SLC26A1: variants seen among roughly 807,000 people sequenced by gnomAD.
The protein encoded by SLC26A1 is sulfate anion transporter 1.
A neutral mutation model predicts 14.5 loss-of-function variants in SLC26A1; 18 were observed. The observed-to-expected ratio is 1.24, with a 90% CI of 0.86 to 1.84. SLC26A1 has a LOEUF of 1.84. Among genes scored for constraint, SLC26A1 ranks in the 40% most tolerant of loss-of-function variants. The probability of loss-of-function intolerance (pLI) is 0.00; values close to 1 mark genes in which losing one functional copy is unlikely to be tolerated. For missense variants in SLC26A1, 1,049 were observed against 1,020.0 expected, an observed-to-expected ratio of 1.03 and a Z score of -0.39; for synonymous variants, 505 against 492.0, an observed-to-expected ratio of 1.03 and a Z score of -0.35.
chr4:979,528 G>T, intron 2 of SLC26A1: 1 of 1,612,686 alleles, frequency 6.2e-7, no homozygotes, highest in Non-Finnish European at 8.5e-7. Context: ...GCCGGGAAGG[G>T]CATGGTGGAG....
chr4:988,419 C>T lies in SLC26A1; in HGVS notation c.*414G>A, dbSNP rs749751376. 3.2e-5 allele frequency: 34 copies of T among 1,064,818 alleles called. No homozygotes were observed. Among genetic ancestry groups the T allele is most frequent in the Non-Finnish European group, 3.7e-5 (33 of 880,826 alleles). The allele number at this position is 1,064,818 out of a possible 1,614,324, so 66.0% of individuals were successfully genotyped here. ...AGACCCTCGTGCACTTGGCCAGAGC[C>T]GCTGGCTCCTACCAGCAGGGTGGGC... On this transcript the variant is annotated 3_prime_UTR_variant, in exon 3 of 3. Transcript: ENST00000398516.
At chr4:987,348 G>T (rs1198120561), downstream of SLC26A1, 10 of 1,127,000 alleles carry the variant, frequency 8.9e-6, no homozygotes, top group African/African-American at 4.9e-5. Context: ...CCCTCCTCTG[G>T]GGCCCTGGCT....
downstream of SLC26A1, among the ~76,000 whole-genome samples, chr4:984,614 C>T (rs1042416836): frequency 5.9e-5 from 9 of 151,898 alleles, no homozygotes; most frequent in Non-Finnish European, 1.2e-4. Flanking sequence ...GTGGATCATT[C>T]GAGGTCAGGA....
chr4:992,014 C>A (rs1714392229), intron 1 of SLC26A1: 1 of 631,544 alleles, frequency 1.6e-6, no homozygotes, highest in Non-Finnish European at 2.9e-6. Context: ...GGCGGCGTGG[C>A]GGCACCCTGT....
Position 989,152 on chromosome 4 carries a change from A to G in SLC26A1, c.1787T>C (p.Val596Ala). The G allele has an allele frequency of 1.2e-6, 2 of 1,607,668 alleles. No individual in the cohort carries two copies. The highest frequency in any genetic ancestry group is 1.7e-6 in the Non-Finnish European group (2 of 1,176,760). ...GPAQGEDLGP[V>A]STRAALVPAA... ...GGGCACCAGCGCAGCCCTGGTGCTAACCGGGCCCAGGTCCTCGCCCTGGGC... is the reference window on the plus strand; with the variant it reads ...GGGCACCAGCGCAGCCCTGGTGCTAGCCGGGCCCAGGTCCTCGCCCTGGGC... The change falls in exon 3 of 3, where the codon GTT becomes GCT. Residue 596 changes from valine to alanine, a missense_variant. Transcript: ENST00000398516.
Position 988,818 on chromosome 4 carries a change from G to A in SLC26A1, c.*15C>T. ...CCCAGGAGGGAGCAGAGGCTGCTGG[G>A]CAGGCCTGGCCCTGCTACAGATGGG... On this transcript the variant is annotated 3_prime_UTR_variant, in exon 3 of 3. Coordinates refer to ENST00000398516, the MANE Select transcript of SLC26A1 (RefSeq NM_022042.4). 1 of 1,555,838 alleles carries A rather than the reference G, an allele frequency of 6.4e-7. No individual in the cohort carries two copies. The highest frequency in any genetic ancestry group is 8.7e-7 in the Non-Finnish European group (1 of 1,150,890).
At chr4:992,014 CG>C (rs1232256795) in intron 1 of SLC26A1, 15 of 631,426 alleles carry the variant, frequency 2.4e-5, no homozygotes, top group Non-Finnish European at 4.4e-5. Context: ...GGCGGCGTGG[CG>C]GCACCCTGTC....
downstream of SLC26A1, chr4:987,090 TC>T (rs1399691428): frequency 6.8e-7 from 1 of 1,476,950 alleles, no homozygotes; most frequent in Non-Finnish European, 8.9e-7. Flanking sequence ...TGGCCATGCG[TC>T]CCCTGCGCCC....
intron 2 of SLC26A1, among the ~76,000 whole-genome samples, chr4:980,039 C>A (rs186527008): frequency 6.6e-6 from 1 of 152,256 alleles, no homozygotes; most frequent in Non-Finnish European, 1.5e-5. Context: ...TGGAGGGAGC[C>A]CCAGTTCATG....
Position 987,891 on chromosome 4 carries a change from C to G in SLC26A1, c.*942G>C. The G allele has an allele frequency of 1.9e-6, 3 of 1,610,362 alleles. No individual in the cohort carries two copies. In the African/African-American group the frequency reaches 4.0e-5, roughly 21 times the overall value. ...CAACCTCGCCTATGTGGGCGCCGTC[C>G]CTCACCGCGGCATCAAGCAGGTCCG... On this transcript the variant is annotated 3_prime_UTR_variant, in exon 3 of 3. Transcript: ENST00000398516.
intron 2 of SLC26A1, 88 bp downstream of exon 2, chr4:991,040 G>T: frequency 7.5e-7 from 1 of 1,326,960 alleles, no homozygotes; most frequent in Non-Finnish European, 1.0e-6. Context: ...CCAACCCTGT[G>T]CTTGCCCCCA....
chr4:979,132 C>T (rs1713461088), exon 3 of SLC26A1: 1 of 303,098 alleles, frequency 3.3e-6, no homozygotes, highest in Admixed American at 5.0e-5. Context: ...CTCAGGCCCA[C>T]TAGCATGGCT....
chr4:987,515 C>T, downstream of SLC26A1: 1 of 891,184 alleles, frequency 1.1e-6, no homozygotes, highest in Non-Finnish European at 1.6e-6. Context: ...GACGGCCCTG[C>T]AGCGGGACCT....
At chr4:984,024 C>T (rs1267850141), downstream of SLC26A1, among the ~76,000 whole-genome samples, 1 of 152,158 alleles carries the variant, frequency 6.6e-6, no homozygotes, top group Non-Finnish European at 1.5e-5. Context: ...AGGGTTTCAC[C>T]ATGTTGGCCA....
downstream of SLC26A1, among the ~76,000 whole-genome samples, chr4:985,428 C>T (rs191456599): frequency 6.5e-4 from 99 of 152,360 alleles, no homozygotes; most frequent in African/African-American, 2.4e-3. Context: ...TCTCAGGAGG[C>T]GGCTGGTCTG....
In SLC26A1 at chr4:990,401, G is replaced by A. The variant is rs529881853; in HGVS notation, c.577-39C>T. ...GCGGTCAGGCCAGCAGGCGCCTGGC[G>A]GGAGCCACCTGCCCCTCACCAGCAC... is the stretch of plus-strand genomic sequence containing the variant. On this transcript the variant is annotated intron_variant, in intron 2 of 2. Transcript: ENST00000398516. The A allele has an allele frequency of 1.0e-4, 154 of 1,527,554 alleles. No individual in the cohort carries two copies. In the South Asian group the frequency reaches 1.1e-3, roughly 11 times the overall value. The allele number at this position is 1,527,554 out of a possible 1,614,324, so 94.6% of individuals were successfully genotyped here. A position where few individuals can be genotyped will look rare whatever the true frequency, so the allele number is the denominator to read the frequency against.
chr4:985,552 C>T (rs998235754), downstream of SLC26A1, among the ~76,000 whole-genome samples: 2 of 152,146 alleles, frequency 1.3e-5, no homozygotes, highest in Non-Finnish European at 2.9e-5. Context: ...GCGAGTTATC[C>T]ATCATTTTAG....
rs780694854 is a variant in SLC26A1, at chr4:991,367, A to G, written c.337T>C (p.Phe113Leu). ...ACATGCCGTGAGGTGCCCATGAGGA[A>G]GTAGATGAGGTTGGCGAAGAAGGAC... ...YTSFFANLIY[F>L]LMGTSRHVSV... Residue 113 changes from phenylalanine to leucine, a missense_variant, in exon 2 of 3, where the codon TTC (phenylalanine) becomes CTC (leucine). Phe to Leu is a conservative substitution (Grantham distance 22, BLOSUM62 0). Transcript: ENST00000398516. 6 of 1,612,790 alleles carry G rather than the reference A, an allele frequency of 3.7e-6. No individual in the cohort carries two copies. The Admixed American group carries it at 1.0e-4, about 27-fold the overall frequency.
downstream of SLC26A1, chr4:987,013 G>A (rs1165676079): frequency 1.6e-5 from 22 of 1,381,932 alleles, no homozygotes; most frequent in Non-Finnish European, 1.9e-5. Flanking sequence ...TGGGGTGCGC[G>A]CCCAGACTCC....
Sources: gnomAD v4.1 joint callset for allele counts (sites outside exome capture counted in the v4.1 genomes callset) on GRCh38, gnomAD v4.1.1 for gene constraint, MANE v1.5 for transcripts, NCBI Gene and HGNC (gene_info 2026-07-23, HGNC 2026-07-21) for gene names.